The following ANKRD54 variants were observed in gnomAD, a reference collection of about 807,000 sequenced individuals.
ANKRD54 encodes ankyrin repeat domain 54, also known as ankyrin repeat domain-containing protein 54.
ANKRD54 carries 26 observed loss-of-function variants against 36.2 expected under a neutral mutation model. The ratio of observed to expected loss-of-function variants is 0.72; its 90% CI spans 0.53 to 1.00. The LOEUF (loss-of-function observed/expected upper bound fraction) is 1.00, where lower values mean the gene tolerates loss of function less well. ANKRD54 is among the 50% of genes least tolerant of loss of function. ANKRD54 has a pLI of 0.00. For synonymous variants in ANKRD54, 209 were observed against 188.4 expected, an observed-to-expected ratio of 1.11 and a Z score of -0.89; for missense variants, 384 against 424.3, an observed-to-expected ratio of 0.91 and a Z score of 0.83.
At position 37,833,181 on chromosome 22, in the gene ANKRD54, G is replaced by C. The variant is rs1569093921; in HGVS notation, c.573C>G (p.Val191=). The C allele has an allele frequency of 8.1e-6, 13 of 1,613,794 alleles. No individual in the cohort carries two copies. The highest frequency in any genetic ancestry group is 9.3e-6 in the Non-Finnish European group (11 of 1,180,012). Residue 191 remains valine, a synonymous_variant, in exon 5 of 8, where the codon GTC becomes GTG. Transcript: ENST00000215941. ...HLAACTNHVP[V]ITTLLRGGAR... ...TACCTCCTCGTAGCAGTGTGGTGATGACAGGAACGTGGTTGGTGCAGGCCG... is the reference window on the plus strand; with the variant it reads ...TACCTCCTCGTAGCAGTGTGGTGATCACAGGAACGTGGTTGGTGCAGGCCG...
At chr22:37,838,622 G>A (rs750299674) in intron 2 of ANKRD54, 24 bp from the exon 3 acceptor site, 10 of 1,597,892 alleles carry the variant, frequency 6.3e-6, no homozygotes, top group Middle Eastern at 1.7e-4. Context: ...GACAGAGGGA[G>A]GAAGGGGGAG....
chr22:37,845,227 AAT>A (rs1924766939), upstream of ANKRD54, among the ~76,000 whole-genome samples: 1 of 152,168 alleles, frequency 6.6e-6, no homozygotes, highest in Non-Finnish European at 1.5e-5. Flanking sequence ...ACATTAGAGC[AAT>A]AGTTTAGTTC....
chr22:37,844,376 G>T, upstream of ANKRD54: 2 of 942,948 alleles, frequency 2.1e-6, no homozygotes, highest in Non-Finnish European at 3.0e-6. Context: ...CCGAGCGGGG[G>T]CGGGCTCAGG....
chr22:37,845,706 T>C (rs144905359), upstream of ANKRD54, among the ~76,000 whole-genome samples: 2,544 of 152,074 alleles, frequency 0.017, 68 homozygotes, highest in African/African-American at 0.058. Context: ...TCGTTTCTAC[T>C]AAAAATACAA....
chr22:37,847,170 CTT>C (rs796315633), upstream of ANKRD54, among the ~76,000 whole-genome samples: 16 of 133,234 alleles, frequency 1.2e-4, no homozygotes, highest in African/African-American at 3.9e-4. Context: ...TTTCTTTTTT[CTT>C]TTTTTTTTTG....
chr22:37,847,538 G>C (rs1358685851), upstream of ANKRD54: 1 of 371,034 alleles, frequency 2.7e-6, no homozygotes, highest in East Asian at 1.0e-4. Context: ...GAATGATTAA[G>C]GGCAGTCTGA....
chr22:37,843,931 G>A lies in ANKRD54; in HGVS notation c.308C>T (p.Pro103Leu). 3 of 1,359,232 alleles carry A rather than the reference G, an allele frequency of 2.2e-6. No homozygotes were observed. Among genetic ancestry groups the A allele is most frequent in the Non-Finnish European group, 2.8e-6 (3 of 1,058,856 alleles). The allele number at this position is 1,359,232 out of a possible 1,614,324, so 84.2% of individuals were successfully genotyped here. The change falls in exon 1 of 8, where the codon CCC (proline) becomes CTC (leucine). Residue 103 changes from proline (P) to leucine (L), a missense_variant. By Grantham distance (98) the Pro-to-Leu change is moderately conservative. Around this residue, in one of 3 missense-constraint regions of ANKRD54, gnomAD observed 195 missense variants for 177.7 expected, o/e 1.10. Transcript: ENST00000215941. ...CTCACCGTGCACCTCCTTGCCCGTG[G>A]GCCCGAGCCGCCGGTGGGGCCTGGC... ...RAARPHRRLG[P>L]TGKEVHALKR...
At chr22:37,837,584 A>G (rs1011804065) in intron 3 of ANKRD54, among the ~76,000 whole-genome samples, 10 of 152,332 alleles carry the variant, frequency 6.6e-5, no homozygotes, top group Admixed American at 2.6e-4. Flanking sequence ...TTGAGCATCC[A>G]TGGAGTTTGG....
At position 37,833,080 on chromosome 22, in the gene ANKRD54, C is replaced by A. The variant is rs1487344942; in HGVS notation, c.598G>T (p.Ala200Ser). 1.2e-6 allele frequency: 2 copies of A among 1,614,088 alleles called. No homozygotes were observed. Among genetic ancestry groups the A allele is most frequent in the Admixed American group, 3.3e-5 (2 of 59,996 alleles). Residue 200 changes from alanine to serine, a missense_variant and splice_region_variant, in exon 6 of 8, where the codon GCC (alanine) becomes TCC (serine). Physicochemically the swap from Ala to Ser is moderately conservative, Grantham distance 99 (BLOSUM62 1). Coordinates refer to ENST00000215941, the MANE Select transcript of ANKRD54 (RefSeq NM_138797.4). ...GCTCGGTCCAGGGCATCTACACGGG[C>A]CCCTGCAGGTACCAGCTGAGGTGAG... The part of the protein sequence containing the change: ...PVITTLLRGG[A>S]RVDALDRAGR...
chr22:37,842,483 T>C (rs1202755448), intron 1 of ANKRD54, among the ~76,000 whole-genome samples: 3 of 152,218 alleles, frequency 2.0e-5, no homozygotes, highest in African/African-American at 7.2e-5. Context: ...CCCCGAGTTA[T>C]TGCAAATGAT....
upstream of ANKRD54, chr22:37,847,771 G>A (rs747366499): frequency 2.1e-5 from 9 of 436,524 alleles, no homozygotes; most frequent in Middle Eastern, 7.2e-4. Flanking sequence ...ATCGAGGGTC[G>A]GTAAAGCTTA....
At chr22:37,837,199 G>A (rs1235057848) in intron 3 of ANKRD54, among the ~76,000 whole-genome samples, 6 of 152,046 alleles carry the variant, frequency 3.9e-5, no homozygotes, top group Admixed American at 3.9e-4. Flanking sequence ...CACTGCTGGT[G>A]GGGAGTGGGA....
chr22:37,848,668 T>G (rs1480970478), upstream of ANKRD54: 1 of 150,520 alleles, frequency 6.6e-6, no homozygotes, highest in Non-Finnish European at 1.5e-5. Flanking sequence ...AGTGTAGGGA[T>G]TACAGGCGTG....
chr22:37,832,381 T>C (rs1288586859), intron 7 of ANKRD54, among the ~76,000 whole-genome samples: 3 of 152,150 alleles, frequency 2.0e-5, no homozygotes, highest in South Asian at 2.1e-4. Flanking sequence ...TTTCCACATG[T>C]TCTGAGAGGA....
Position 37,832,637 on chromosome 22 carries a change from C to T in ANKRD54, c.828G>A (p.Gln276=), listed in dbSNP as rs143173080. 6,289 of 1,614,008 alleles carry T rather than the reference C, an allele frequency of 3.9e-3. 23 individuals carry two copies. Among genetic ancestry groups the T allele is most frequent in the Middle Eastern group, 0.024 (146 of 6,048 alleles). ...GTCTGGGCCTGTGGCTGCAGCTCAC[C>T]TGCTCTTTGGTACTGGTCATCTGCA... is the stretch of plus-strand genomic sequence containing the variant. ...TRLQMTSTKE[Q]VDEVTDLLAS... Residue 276 remains glutamine, a splice_region_variant and synonymous_variant, in exon 7 of 8, where the codon CAG becomes CAA. Transcript: ENST00000215941.
rs112963339 is a variant in ANKRD54, at chr22:37,832,892, T to C, written c.720+66A>G. On this transcript the variant is annotated intron_variant, in intron 6 of 7. Transcript: ENST00000215941. Reference sequence around the variant, plus strand: ...CTGGGACCAGAGGCAGGTGTGTCTGTGGTTAGGGCAGCATCTGTCCAGTGC... The same window carrying C: ...CTGGGACCAGAGGCAGGTGTGTCTGCGGTTAGGGCAGCATCTGTCCAGTGC... The C allele has an allele frequency of 7.3e-4, 1,176 of 1,606,412 alleles. 3 individuals are homozygous for C. In the African/African-American group the frequency reaches 0.014, roughly 19 times the overall value.
At position 37,831,984 on chromosome 22, in the gene ANKRD54, T is replaced by G; in HGVS notation, c.862A>C (p.Thr288Pro). ...CTCTGCATCTGCAGACTGAGGGAGG[T>G]GAAGCTGGCCAGGAGGTCAGTCACT... ...DEVTDLLASF[T>P]SLSLQMQSME... The change falls in exon 8 of 8, where the codon ACC becomes CCC. Residue 288 changes from threonine to proline, a missense_variant. This residue lies in a region of ANKRD54 where 179 missense variants were observed against 224.0 expected (regional missense o/e 0.80). Transcript: ENST00000215941. 1 of 1,613,366 alleles carries G rather than the reference T, an allele frequency of 6.2e-7. No individual in the cohort carries two copies. Among genetic ancestry groups the G allele is most frequent in the Non-Finnish European group, 8.5e-7 (1 of 1,179,792 alleles).
Position 37,833,211 on chromosome 22 carries a change from G to C in ANKRD54, c.548-5C>G. ...GAACGTGGTTGGTGCAGGCCGCTGA[G>C]GAAGAACAACAGAGACTTAAGAATC... On this transcript the variant is annotated splice_polypyrimidine_tract_variant and splice_region_variant and intron_variant, in intron 4 of 7. Transcript: ENST00000215941. The C allele has an allele frequency of 1.2e-6, 2 of 1,613,450 alleles. No individual in the cohort carries two copies. Among genetic ancestry groups the C allele is most frequent in the South Asian group, 2.2e-5 (2 of 90,948 alleles).
chr22:37,845,334 A>G (rs1924773905), upstream of ANKRD54, among the ~76,000 whole-genome samples: 1 of 152,236 alleles, frequency 6.6e-6, no homozygotes, highest in South Asian at 2.1e-4. Context: ...GGAGAAGACC[A>G]GGAAACAAAT....
Sources: gnomAD v4.1 joint callset for allele counts (sites outside exome capture counted in the v4.1 genomes callset) on GRCh38, gnomAD v4.1.1 for gene constraint, gnomAD v4.1.1 regional missense constraint, MANE v1.5 for transcripts, NCBI Gene and HGNC (gene_info 2026-07-23, HGNC 2026-07-21) for gene names.